Variants in CNTN4 observed in about 807,000 individuals in gnomAD.
CNTN4 encodes contactin 4, also known as contactin-4.
Under a neutral mutation model 122.5 loss-of-function variants are expected in CNTN4, and 77 were observed. The ratio of observed to expected loss-of-function variants is 0.63; its 90% CI spans 0.52 to 0.76. The LOEUF is 0.76. Ranked by LOEUF, CNTN4 falls within the 30% of genes least tolerant of loss-of-function variation. The pLI is 0.00. For missense variants in CNTN4, 1,256 were observed against 1,259.1 expected (o/e 1.00, Z 0.04); for synonymous variants, 512 against 447.0 (o/e 1.15, Z -1.83).
chr3:2,682,918 C>T (rs2085238131), intron 4 of CNTN4, among the ~76,000 whole-genome samples: 1 of 139,504 alleles, frequency 7.2e-6, no homozygotes, highest in African/African-American at 2.9e-5. Flanking sequence ...TAGATTTTCT[C>T]TGCCGCCAGC....
chr3:2,400,426 T>C lies in CNTN4; in HGVS notation c.-89+61193T>C, dbSNP rs868387932. On this transcript the variant is annotated intron_variant, in intron 3 of 24. Transcript: ENST00000418658. The stretch of plus-strand genomic sequence containing the variant: ...GTGAATATATATATATATATATATA[T>C]ACATATATATATATATATATATATC... Among the ~76,000 whole-genome samples, 311 of 71,214 alleles carry C rather than the reference T, an allele frequency of 4.4e-3. 3 individuals carry two copies. The highest frequency in any genetic ancestry group is 0.011 in the African/African-American group (245 of 21,308). 46.7% of individuals were successfully genotyped at this position (71,214 alleles called of 152,430 possible). A position where few individuals can be genotyped will look rare whatever the true frequency, so the allele number is the denominator to read the frequency against.
At chr3:2,244,393 A>G (rs888121842) in intron 2 of CNTN4, among the ~76,000 whole-genome samples, 2 of 152,062 alleles carry the variant, frequency 1.3e-5, no homozygotes, top group Admixed American at 1.3e-4. Context: ...TGTGCTGTCC[A>G]GTCTGTCAGC....
In CNTN4 at chr3:2,298,146, T is replaced by G. The variant is rs143226190; in HGVS notation, c.-144-41032T>G. 5.5e-3 allele frequency among the ~76,000 whole-genome samples: 836 copies of G among 152,340 alleles called. 5 individuals are homozygous for G. The highest frequency in any genetic ancestry group is 0.01 in the Middle Eastern group (3 of 294). On this transcript the variant is annotated intron_variant, in intron 2 of 24. Transcript: ENST00000418658. Reference sequence around the variant, plus strand: ...TAGGTTGATAAATGAAGGCATTTAATTAAGAATGTAATTAGTAGCAAATCA... The same window carrying G: ...TAGGTTGATAAATGAAGGCATTTAAGTAAGAATGTAATTAGTAGCAAATCA...
At chr3:2,716,343 A>T (rs929789268) in intron 4 of CNTN4, among the ~76,000 whole-genome samples, 6 of 151,162 alleles carry the variant, frequency 4.0e-5, no homozygotes, top group Admixed American at 2.0e-4. Context: ...TAATATTATT[A>T]TATTATTATT....
intron 13 of CNTN4, among the ~76,000 whole-genome samples, chr3:2,978,283 G>A (rs1028764990): frequency 1.3e-5 from 2 of 152,176 alleles, no homozygotes; most frequent in African/African-American, 4.8e-5. Flanking sequence ...GGGATAGATC[G>A]TGGCCTCATA....
intron 23 of CNTN4, among the ~76,000 whole-genome samples, chr3:3,050,469 A>G (rs1402190777): frequency 6.6e-6 from 1 of 152,040 alleles, no homozygotes; most frequent in African/African-American, 2.4e-5. Flanking sequence ...TTCGTTAAAA[A>G]TCCAGGTTCT....
At chr3:2,731,757 A>G (rs1025741106) in intron 4 of CNTN4, among the ~76,000 whole-genome samples, 1 of 152,208 alleles carries the variant, frequency 6.6e-6, no homozygotes, top group Non-Finnish European at 1.5e-5. Context: ...ACATCCTGTC[A>G]CTCAAATAAG....
chr3:2,770,403 C>T (rs1248419321), intron 6 of CNTN4, among the ~76,000 whole-genome samples: 1 of 152,214 alleles, frequency 6.6e-6, no homozygotes, highest in African/African-American at 2.4e-5. Context: ...GGCAGTATTG[C>T]CTTTTGCACA....
At chr3:2,890,471 G>A (rs1286112898) in intron 10 of CNTN4, among the ~76,000 whole-genome samples, 1 of 152,168 alleles carries the variant, frequency 6.6e-6, no homozygotes, top group East Asian at 1.9e-4. Flanking sequence ...TAAACCATGG[G>A]TTTGAGCTTA....
At chr3:2,483,698 C>T (rs2076069290) in intron 3 of CNTN4, among the ~76,000 whole-genome samples, 1 of 152,116 alleles carries the variant, frequency 6.6e-6, no homozygotes, top group African/African-American at 2.4e-5. Flanking sequence ...TGGCATTTCC[C>T]CTGCTGGCAT....
chr3:2,508,305 A>C (rs1204293456), intron 3 of CNTN4, among the ~76,000 whole-genome samples: 1 of 152,210 alleles, frequency 6.6e-6, no homozygotes, highest in Admixed American at 6.5e-5. Flanking sequence ...CAGCTGGAGA[A>C]ATGTCACAGT....
chr3:2,605,606 T>C (rs559762430), intron 4 of CNTN4, among the ~76,000 whole-genome samples: 2 of 152,232 alleles, frequency 1.3e-5, no homozygotes, highest in African/African-American at 4.8e-5. Flanking sequence ...TAAGGATGGC[T>C]TAGACCCAAG....
intron 7 of CNTN4, among the ~76,000 whole-genome samples, chr3:2,829,592 G>A (rs1245285231): frequency 6.6e-6 from 1 of 152,184 alleles, no homozygotes; most frequent in Non-Finnish European, 1.5e-5. Context: ...TCTGAAATTG[G>A]TGAAGTATAT....
intron 8 of CNTN4, among the ~76,000 whole-genome samples, chr3:2,875,389 G>A (rs915607060): frequency 6.6e-6 from 1 of 152,186 alleles, no homozygotes; most frequent in Non-Finnish European, 1.5e-5. Context: ...GAAATTTCTT[G>A]TAGTTCTAAT....
intron 14 of CNTN4, among the ~76,000 whole-genome samples, chr3:3,017,002 A>T (rs1186810763): frequency 6.6e-6 from 1 of 152,154 alleles, no homozygotes; most frequent in Non-Finnish European, 1.5e-5. Flanking sequence ...CCAGGTCACA[A>T]TACTATGTGG....
chr3:2,511,123 C>T (rs757966220), intron 3 of CNTN4, among the ~76,000 whole-genome samples: 1 of 152,144 alleles, frequency 6.6e-6, no homozygotes, highest in Non-Finnish European at 1.5e-5. Context: ...TTGGGAGCTG[C>T]TGAGAATCCC....
At chr3:2,150,880 G>C (rs1180515197) in intron 2 of CNTN4, among the ~76,000 whole-genome samples, 4 of 152,066 alleles carry the variant, frequency 2.6e-5, no homozygotes, top group Non-Finnish European at 5.9e-5. Context: ...TACACATTAA[G>C]AGGACAAAAT....
chr3:2,368,296 T>C (rs554199984), intron 3 of CNTN4, among the ~76,000 whole-genome samples: 1 of 152,214 alleles, frequency 6.6e-6, no homozygotes, highest in South Asian at 2.1e-4. Flanking sequence ...CCTCCCAAAG[T>C]GCTGGGATTA....
intron 4 of CNTN4, among the ~76,000 whole-genome samples, chr3:2,719,417 C>G (rs551863833): frequency 6.6e-6 from 1 of 152,124 alleles, no homozygotes; most frequent in South Asian, 2.1e-4. Flanking sequence ...GCCTCAGCCT[C>G]CCAAGTAGCT....
Sources: gnomAD v4.1 joint callset for allele counts (sites outside exome capture counted in the v4.1 genomes callset) on GRCh38, gnomAD v4.1.1 for gene constraint, MANE v1.5 for transcripts, NCBI Gene and HGNC (gene_info 2026-07-23, HGNC 2026-07-21) for gene names.